Variants in CDS2 observed in about 807,000 individuals in gnomAD.
CDS2 encodes phosphatidate cytidylyltransferase 2.
A neutral mutation model predicts 59.0 loss-of-function variants in CDS2; 47 were observed. The observed-to-expected ratio is 0.80, with a 90% CI of 0.63 to 1.02. The LOEUF is 1.02. Ranked by LOEUF, CDS2 falls within the 50% of genes least tolerant of loss-of-function variation. The probability of loss-of-function intolerance (pLI) is 0.00; values close to 1 mark genes in which losing one functional copy is unlikely to be tolerated. For missense variants in CDS2, 356 were observed against 558.9 expected (o/e 0.64, Z 3.66); for synonymous variants, 207 against 206.4 (o/e 1.00, Z -0.02).
chr20:5,173,784 T>C lies in CDS2; in HGVS notation c.194+125T>C, dbSNP rs572742005. On this transcript the variant is annotated intron_variant, in intron 2 of 12. Coordinates refer to ENST00000460006, the MANE Select transcript of CDS2 (RefSeq NM_003818.4). ...CCCGCTGTCTTGCCTCAGCCTCCCA[T>C]GCCACTGCTCCAGGCTCCATTGAGT... 2.0e-5 allele frequency: 22 copies of C among 1,081,156 alleles called. No individual in the cohort carries two copies. The African/African-American group carries it at 3.3e-4, about 16-fold the overall frequency. The allele number at this position is 1,081,156 out of a possible 1,614,324, so 67.0% of individuals were successfully genotyped here.
intron 1 of CDS2, among the ~76,000 whole-genome samples, chr20:5,138,460 G>C (rs1254885919): frequency 6.6e-6 from 1 of 151,962 alleles, no homozygotes; most frequent in Non-Finnish European, 1.5e-5. Context: ...CTGGGTGTCT[G>C]TTTTAATTTA....
At chr20:5,180,135 G>T (rs112346106) in intron 5 of CDS2, among the ~76,000 whole-genome samples, 4 of 152,158 alleles carry the variant, frequency 2.6e-5, no homozygotes, top group African/African-American at 4.8e-5. Context: ...GAGGATCTCC[G>T]CATGTTTATG....
At chr20:5,188,407 G>A (rs1207366501) in intron 10 of CDS2, among the ~76,000 whole-genome samples, 1 of 152,218 alleles carries the variant, frequency 6.6e-6, no homozygotes, top group Admixed American at 6.5e-5. Context: ...TTTCAACTAT[G>A]TATCTGCGTA....
chr20:5,145,826 T>TGG (rs1568530728), intron 1 of CDS2, among the ~76,000 whole-genome samples: 9 of 148,216 alleles, frequency 6.1e-5, no homozygotes, highest in Non-Finnish European at 1.0e-4. Flanking sequence ...TTTTGTGTTT[T>TGG]TTTTTTTTTT....
Position 5,191,426 on chromosome 20 carries a change from C to T in CDS2, c.*1192C>T, listed in dbSNP as rs911053095. On this transcript the variant is annotated 3_prime_UTR_variant, in exon 13 of 13. Transcript: ENST00000460006. ...TGCTTAAACTGTGATTTTTTTTCCC[C>T]TCCCTAATTTCAGGGGTGAGATTGA... 6.6e-6 allele frequency: 1 copy of T among 152,084 alleles called. No homozygotes were observed. Among genetic ancestry groups the T allele is most frequent in the East Asian group, 1.9e-4 (1 of 5,200 alleles). 9.4% of individuals were successfully genotyped at this position (152,084 alleles called of 1,614,324 possible).
rs190848443 is a variant in CDS2 at position 5,160,651 on chromosome 20, A to C, written c.58-12872A>C. Among the ~76,000 whole-genome samples, 14 of 152,336 alleles carry C rather than the reference A, an allele frequency of 9.2e-5. No homozygotes were observed. In the East Asian group the frequency reaches 2.7e-3, roughly 29 times the overall value. On this transcript the variant is annotated intron_variant, in intron 1 of 12. Coordinates refer to ENST00000460006, the MANE Select transcript of CDS2 (RefSeq NM_003818.4). The stretch of plus-strand genomic sequence containing the variant: ...TTGTTTTGCAACTGTCACCAGAACA[A>C]ACATTCCAGAATATTTTCATCTTCC...
At chr20:5,168,541 C>CT in intron 1 of CDS2, 2 of 505,204 alleles carry the variant, frequency 4.0e-6, no homozygotes, top group South Asian at 2.9e-5. Context: ...CACAGCCACA[C>CT]TTTTTTGGGT....
chr20:5,173,437 C>T (rs575016760), intron 1 of CDS2, 86 bp from the exon 2 acceptor site: 1 of 1,491,088 alleles, frequency 6.7e-7, no homozygotes, highest in African/African-American at 1.4e-5. Context: ...AGTCTTTCCC[C>T]ACAGATCTCT....
At chr20:5,135,076 C>CT (rs1478458699) in intron 1 of CDS2, among the ~76,000 whole-genome samples, 2 of 152,068 alleles carry the variant, frequency 1.3e-5, no homozygotes, top group East Asian at 3.9e-4. Flanking sequence ...TAACTAATTT[C>CT]TTTTTTGAAT....
chr20:5,183,205 C>G, intron 7 of CDS2, 62 bp downstream of exon 7: 1 of 1,379,260 alleles, frequency 7.3e-7, no homozygotes. Context: ...TACAGATACC[C>G]CCCTCTAAGC....
intron 1 of CDS2, among the ~76,000 whole-genome samples, chr20:5,156,289 T>C (rs1183752167): frequency 6.6e-6 from 1 of 152,132 alleles, no homozygotes; most frequent in Non-Finnish European, 1.5e-5. Context: ...GACAGTGTTT[T>C]CCATGGGGCA....
intron 1 of CDS2, among the ~76,000 whole-genome samples, chr20:5,145,449 C>T (rs1421368011): frequency 6.6e-6 from 1 of 152,074 alleles, no homozygotes; most frequent in Non-Finnish European, 1.5e-5. Flanking sequence ...GTGTACAGAC[C>T]TTCAATTTCT....
At chr20:5,148,836 A>G (rs2090765859) in intron 1 of CDS2, among the ~76,000 whole-genome samples, 1 of 151,808 alleles carries the variant, frequency 6.6e-6, no homozygotes, top group African/African-American at 2.4e-5. Flanking sequence ...AACAGTTGCT[A>G]TTTCTATCTC....
At chr20:5,130,083 C>T (rs1339055613) in intron 1 of CDS2, among the ~76,000 whole-genome samples, 1 of 152,202 alleles carries the variant, frequency 6.6e-6, no homozygotes, top group Admixed American at 6.5e-5. Flanking sequence ...AGCAATTCTC[C>T]TGCCTTAGCT....
intron 1 of CDS2, among the ~76,000 whole-genome samples, chr20:5,147,706 A>AT (rs375421348): frequency 0.012 from 1,752 of 144,886 alleles, 27 homozygotes; most frequent in Non-Finnish European, 0.016. Flanking sequence ...GTCTGGCCAC[A>AT]TTTTTTTTTT....
chr20:5,127,892 T>C (rs935683853), intron 1 of CDS2, among the ~76,000 whole-genome samples: 4 of 152,040 alleles, frequency 2.6e-5, no homozygotes, highest in East Asian at 1.9e-4. Context: ...GTTTTATTAC[T>C]GTGGAGGTTG....
chr20:5,162,034 G>A (rs1034528889), intron 1 of CDS2, among the ~76,000 whole-genome samples: 4 of 152,128 alleles, frequency 2.6e-5, no homozygotes, highest in Non-Finnish European at 4.4e-5. Context: ...ATGCCTGTTC[G>A]TGAACCTATC....
intron 1 of CDS2, among the ~76,000 whole-genome samples, chr20:5,166,842 G>A (rs901121524): frequency 2.6e-5 from 4 of 152,030 alleles, no homozygotes; most frequent in African/African-American, 9.7e-5. Context: ...GTGGTTTGAG[G>A]AATGATGCAC....
chr20:5,163,538 G>A (rs1427226346), intron 1 of CDS2, among the ~76,000 whole-genome samples: 1 of 151,550 alleles, frequency 6.6e-6, no homozygotes, highest in Non-Finnish European at 1.5e-5. Context: ...TAGGATTATA[G>A]GCGTGAGCCA....
Sources: gnomAD v4.1 joint callset for allele counts (sites outside exome capture counted in the v4.1 genomes callset) on GRCh38, gnomAD v4.1.1 for gene constraint, MANE v1.5 for transcripts, NCBI Gene and HGNC (gene_info 2026-07-23, HGNC 2026-07-21) for gene names.